DYDC1: variants seen among roughly 807,000 people sequenced by gnomAD.
DYDC1 encodes the protein DPY30 domain-containing protein 1.
DYDC1 carries 21 observed loss-of-function variants against 27.9 expected under a neutral mutation model. The observed-to-expected ratio is 0.75, with a 90% CI of 0.53 to 1.08. The LOEUF is 1.08. Among genes scored for constraint, DYDC1 ranks in the 50% least tolerant of loss-of-function variants. The pLI, the probability that DYDC1 is intolerant of heterozygous loss-of-function variation, is 0.00. For missense variants in DYDC1, 202 were observed against 205.9 expected (o/e 0.98, Z 0.12); for synonymous variants, 67 against 65.8 (o/e 1.02, Z -0.09).
chr10:80,336,662 C>A (rs1411639758), intron 6 of DYDC1, among the ~76,000 whole-genome samples: 1 of 152,236 alleles, frequency 6.6e-6, no homozygotes, highest in Non-Finnish European at 1.5e-5. Context: ...GTCAACATCT[C>A]TGCAACTGAA....
chr10:80,343,673 C>G (rs77306982), intron 3 of DYDC1, among the ~76,000 whole-genome samples: 2,708 of 151,922 alleles, frequency 0.018, 90 homozygotes, highest in African/African-American at 0.062. Flanking sequence ...TTAAGGCACA[C>G]TAGAGTGTGT....
chr10:80,356,165 C>A, intron 1 of DYDC1: 2 of 867,092 alleles, frequency 2.3e-6, no homozygotes, highest in Non-Finnish European at 2.8e-6. Context: ...CCAGGCAAGG[C>A]CTGCCAACTC....
At chr10:80,338,440 T>C in intron 6 of DYDC1, 27 bp downstream of exon 6, 1 of 1,606,816 alleles carries the variant, frequency 6.2e-7, no homozygotes, top group Non-Finnish European at 8.5e-7. Context: ...AAAAACGAGT[T>C]TTTTCACAAA....
chr10:80,348,017 T>A (rs2132807115), intron 3 of DYDC1, among the ~76,000 whole-genome samples: 1 of 152,308 alleles, frequency 6.6e-6, no homozygotes, highest in East Asian at 1.9e-4. Flanking sequence ...TGATAGGGAT[T>A]GAGATGAATC....
At chr10:80,356,647 G>A (rs1843386617) in intron 1 of DYDC1, 65 bp downstream of exon 1, 2 of 984,712 alleles carry the variant, frequency 2.0e-6, no homozygotes, top group African/African-American at 1.7e-5. Flanking sequence ...GCCTCTGCCC[G>A]CCGGACCCAG....
At chr10:80,348,736 G>A (rs1365253869) in intron 3 of DYDC1, among the ~76,000 whole-genome samples, 1 of 152,162 alleles carries the variant, frequency 6.6e-6, no homozygotes, top group African/African-American at 2.4e-5. Context: ...CAAACAGCAA[G>A]AGAAAAACAA....
intron 5 of DYDC1, 74 bp downstream of exon 5, chr10:80,339,023 G>A: frequency 2.6e-6 from 2 of 767,504 alleles, no homozygotes; most frequent in Non-Finnish European, 2.0e-6. Flanking sequence ...AGCTACTTAT[G>A]CATCAAAATT....
At chr10:80,341,917 G>A (rs1338007678) in intron 4 of DYDC1, among the ~76,000 whole-genome samples, 4 of 151,782 alleles carry the variant, frequency 2.6e-5, no homozygotes, top group South Asian at 2.1e-4. Flanking sequence ...CCAGCTACTC[G>A]GGAGGCTGAG....
intron 3 of DYDC1, among the ~76,000 whole-genome samples, chr10:80,349,504 A>T (rs940763046): frequency 6.6e-6 from 1 of 152,254 alleles, no homozygotes; most frequent in African/African-American, 2.4e-5. Context: ...TTTTACAAGT[A>T]AAGATATAAT....
chr10:80,348,102 C>T (rs746968921), intron 3 of DYDC1, among the ~76,000 whole-genome samples: 1 of 152,100 alleles, frequency 6.6e-6, no homozygotes, highest in Non-Finnish European at 1.5e-5. Flanking sequence ...GATATCTTTC[C>T]ATTTATTTGT....
At chr10:80,344,000 C>T (rs1360816211) in intron 3 of DYDC1, among the ~76,000 whole-genome samples, 3 of 152,114 alleles carry the variant, frequency 2.0e-5, no homozygotes, top group Admixed American at 6.6e-5. Flanking sequence ...CCTGTAGTCT[C>T]AGCCACTTGG....
At chr10:80,339,984 C>G (rs1033241382) in intron 4 of DYDC1, among the ~76,000 whole-genome samples, 1 of 152,190 alleles carries the variant, frequency 6.6e-6, no homozygotes, top group Non-Finnish European at 1.5e-5. Flanking sequence ...CAGTCAGAAT[C>G]CTTCTCCAAG....
chr10:80,353,247 C>T (rs1843109902), intron 1 of DYDC1, among the ~76,000 whole-genome samples: 1 of 152,018 alleles, frequency 6.6e-6, no homozygotes, highest in Non-Finnish European at 1.5e-5. Flanking sequence ...CCCCAATTTT[C>T]TTTTCAAGTT....
intron 2 of DYDC1, 51 bp downstream of exon 2, chr10:80,352,404 G>T (rs1421928647): frequency 1.3e-6 from 2 of 1,499,812 alleles, no homozygotes; most frequent in Non-Finnish European, 1.8e-6. Flanking sequence ...AAGCAGACAA[G>T]TTGGACCAGT....
At chr10:80,353,645 A>T (rs987079040) in intron 1 of DYDC1, among the ~76,000 whole-genome samples, 5 of 150,212 alleles carry the variant, frequency 3.3e-5, no homozygotes, top group Non-Finnish European at 7.4e-5. Flanking sequence ...AGGTCAGGAG[A>T]TCGAGACCAT....
Position 80,343,001 on chromosome 10 carries a change from AAAG to A in DYDC1, c.250-643_250-641del, listed in dbSNP as rs368884480. Among the ~76,000 whole-genome samples the A allele has an allele frequency of 7.7e-3, 1,155 of 149,236 alleles. 12 individuals are homozygous for A. The highest frequency in any genetic ancestry group is 0.027 in the African/African-American group (1,110 of 40,724). On this transcript the variant is annotated intron_variant, in intron 3 of 6. Coordinates refer to ENST00000372202, the MANE Select transcript of DYDC1 (RefSeq NM_001269053.2). ...CTCTCAAAAAAAAAAAAAAAAAAGA[AAAG>A]AAGAAAAAAGAATATCATCTGAAAT...
intron 3 of DYDC1, among the ~76,000 whole-genome samples, chr10:80,345,610 A>T (rs935894900): frequency 5.3e-5 from 8 of 152,150 alleles, no homozygotes; most frequent in Non-Finnish European, 1.0e-4. Context: ...ACCTCTTGGT[A>T]ACCACTGTTC....
intron 3 of DYDC1, among the ~76,000 whole-genome samples, chr10:80,345,442 C>G (rs1268856687): frequency 2.0e-5 from 3 of 152,138 alleles, no homozygotes; most frequent in Non-Finnish European, 4.4e-5. Flanking sequence ...CACCTAAAAT[C>G]TACTCTCTTA....
chr10:80,354,312 T>C, intron 1 of DYDC1: 1 of 149,668 alleles, frequency 6.7e-6, no homozygotes, highest in East Asian at 2.0e-4. Context: ...AATAGTGAAA[T>C]GCTGTCTCTA....
Sources: gnomAD v4.1 joint callset for allele counts (sites outside exome capture counted in the v4.1 genomes callset) on GRCh38, gnomAD v4.1.1 for gene constraint, MANE v1.5 for transcripts, NCBI Gene and HGNC (gene_info 2026-07-23, HGNC 2026-07-21) for gene names.